TRPM6: variants seen among roughly 807,000 people sequenced by gnomAD.
The protein encoded by TRPM6 is channel kinase 2.
A neutral mutation model predicts 247.6 loss-of-function variants in TRPM6; 111 were observed. The observed-to-expected ratio is 0.45, with a 90% CI of 0.38 to 0.52. TRPM6 has a LOEUF of 0.52. Among genes scored for constraint, TRPM6 ranks in the 20% least tolerant of loss-of-function variants. The pLI is 0.00. For synonymous variants in TRPM6, 892 were observed against 853.8 expected (o/e 1.04, Z -0.78); for missense variants, 2,126 against 2,421.5 (o/e 0.88, Z 2.56).
intron 14 of TRPM6, among the ~76,000 whole-genome samples, chr9:74,807,242 G>T (rs79764883): frequency 0.027 from 4,150 of 152,128 alleles, 183 homozygotes; most frequent in African/African-American, 0.092. Context: ...TGCCTTTCCA[G>T]TCTCCTCCCT....
intron 11 of TRPM6, among the ~76,000 whole-genome samples, chr9:74,814,611 A>G (rs1472700457): frequency 6.6e-6 from 1 of 152,188 alleles, no homozygotes; most frequent in Non-Finnish European, 1.5e-5. Flanking sequence ...CTAAAAAAAG[A>G]AGAAATTAAT....
chr9:74,858,817 G>A lies in TRPM6; in HGVS notation c.34-69C>T, dbSNP rs992534205. 3 of 1,285,530 alleles carry A rather than the reference G, an allele frequency of 2.3e-6. No homozygotes were observed. The Admixed American group carries it at 5.5e-5, about 24-fold the overall frequency. The allele number at this position is 1,285,530 out of a possible 1,614,324, so 79.6% of individuals were successfully genotyped here. Reference sequence around the variant, plus strand: ...AAACAATGTAACCATAGTAGTTCCTGCAGGTAAGAAATACTCAAGTATCAT... The same window carrying A: ...AAACAATGTAACCATAGTAGTTCCTACAGGTAAGAAATACTCAAGTATCAT... On this transcript the variant is annotated intron_variant, in intron 1 of 38. Coordinates refer to ENST00000360774, the MANE Select transcript of TRPM6 (RefSeq NM_017662.5).
In TRPM6 at chr9:74,796,786, A is replaced by G. The variant is rs759772342; in HGVS notation, c.2346T>C (p.Tyr782=). The G allele has an allele frequency of 8.1e-6, 13 of 1,613,958 alleles. No homozygotes were observed. Among genetic ancestry groups the G allele is most frequent in the Non-Finnish European group, 1.0e-5 (12 of 1,179,952 alleles). The change falls in exon 18 of 39, where the codon TAT becomes TAC. Residue 782 remains tyrosine, a synonymous_variant. Coordinates refer to ENST00000360774, the MANE Select transcript of TRPM6 (RefSeq NM_017662.5). ...PQSQDFQFMW[Y]YSDQNASSSK... is the part of the protein sequence containing the mutation. ...AACTGCTGGCGTTCTGGTCACTGTA[A>G]TACCACATAAATTGGAAGTCCTGGG...
At chr9:74,883,567 C>T (rs1446744447) in intron 1 of TRPM6, among the ~76,000 whole-genome samples, 1 of 152,128 alleles carries the variant, frequency 6.6e-6, no homozygotes, top group Non-Finnish European at 1.5e-5. Flanking sequence ...AAATGCTATA[C>T]CTATGATCTT....
intron 3 of TRPM6, among the ~76,000 whole-genome samples, chr9:74,851,796 A>G (rs968936282): frequency 6.8e-6 from 1 of 147,964 alleles, no homozygotes; most frequent in African/African-American, 2.5e-5. Flanking sequence ...TATATAATAT[A>G]TATATTACAG....
intron 7 of TRPM6, among the ~76,000 whole-genome samples, chr9:74,824,770 T>C (rs1396390839): frequency 6.6e-6 from 1 of 152,196 alleles, no homozygotes; most frequent in African/African-American, 2.4e-5. Flanking sequence ...TCAGAGCCTA[T>C]GTTTCCTATC....
At chr9:74,795,164 G>A (rs1425867684) in intron 18 of TRPM6, among the ~76,000 whole-genome samples, 4 of 151,854 alleles carry the variant, frequency 2.6e-5, no homozygotes, top group Non-Finnish European at 5.9e-5. Flanking sequence ...TCCTCTCCAC[G>A]TCCATTGCTA....
At chr9:74,752,166 T>A (rs966646390) in intron 29 of TRPM6, 111 bp downstream of exon 29, 16 of 675,558 alleles carry the variant, frequency 2.4e-5, no homozygotes, top group African/African-American at 2.3e-4. Context: ...TTAAGCAGAC[T>A]GTCAATAAAA....
chr9:74,828,718 T>A (rs1339917938), intron 6 of TRPM6, among the ~76,000 whole-genome samples: 1 of 149,948 alleles, frequency 6.7e-6, no homozygotes, highest in Non-Finnish European at 1.5e-5. Flanking sequence ...AACCTTAGCC[T>A]CCCAAGTTCA....
intron 18 of TRPM6, among the ~76,000 whole-genome samples, chr9:74,793,226 T>C (rs890166681): frequency 2.6e-5 from 4 of 152,206 alleles, no homozygotes; most frequent in East Asian, 1.9e-4. Flanking sequence ...GAAAACTGCA[T>C]GTACTGTATA....
chr9:74,791,503 T>TA (rs899873171), intron 19 of TRPM6, among the ~76,000 whole-genome samples: 13 of 150,988 alleles, frequency 8.6e-5, no homozygotes, highest in African/African-American at 2.2e-4. Flanking sequence ...AAAAAATATT[T>TA]AAAAAAAAAG....
chr9:74,854,961 G>A (rs1355157134), intron 3 of TRPM6, among the ~76,000 whole-genome samples: 1 of 152,210 alleles, frequency 6.6e-6, no homozygotes, highest in Non-Finnish European at 1.5e-5. Context: ...TAACAGGTGT[G>A]AGTGACTGTG....
Position 74,800,470 on chromosome 9 carries a change from C to T in TRPM6, c.2022G>A (p.Gln674=). ...CCTTCTCCAACAAGTCCAGAGCCAG[C>T]TGGCCAAACTGTCTGCCATGAGGGT... ...ELKNYSKQFG[Q]LALDLLEKAF... The change falls in exon 17 of 39, where the codon CAG becomes CAA. Residue 674 remains glutamine (Q), a synonymous_variant. Transcript: ENST00000360774. 1 of 1,613,920 alleles carries T rather than the reference C, an allele frequency of 6.2e-7. No individual in the cohort carries two copies. Among genetic ancestry groups the T allele is most frequent in the Admixed American group, 1.7e-5 (1 of 60,024 alleles).
chr9:74,755,845 C>T (rs1311938680), intron 27 of TRPM6, among the ~76,000 whole-genome samples: 2 of 152,146 alleles, frequency 1.3e-5, no homozygotes, highest in Non-Finnish European at 2.9e-5. Context: ...CCAGGTGATG[C>T]TCATGCTGCC....
intron 17 of TRPM6, chr9:74,800,010 T>C: frequency 1.9e-6 from 1 of 526,920 alleles, no homozygotes; most frequent in Non-Finnish European, 3.5e-6. Context: ...TCCATGTGCA[T>C]CCCTCCCAAA....
chr9:74,839,873 GGAA>G (rs1829859729), intron 5 of TRPM6, 148 bp downstream of exon 5: 4 of 534,854 alleles, frequency 7.5e-6, no homozygotes, highest in Middle Eastern at 4.4e-4. Context: ...AAGGAAGGAA[GGAA>G]GGAAGGAAGG....
At chr9:74,853,864 AAAAATAAAAT>A (rs573585286) in intron 3 of TRPM6, among the ~76,000 whole-genome samples, 2 of 152,158 alleles carry the variant, frequency 1.3e-5, no homozygotes, top group Non-Finnish European at 2.9e-5. Context: ...TAAATACTAA[AAAAATAAAAT>A]AAAATAAAAT....
chr9:74,783,454 G>A (rs751700053), intron 21 of TRPM6, among the ~76,000 whole-genome samples: 23 of 152,176 alleles, frequency 1.5e-4, no homozygotes, highest in Non-Finnish European at 2.8e-4. Context: ...GTGGGCTGTG[G>A]TTTGATGGTG....
chr9:74,839,811 A>G (rs991404138), intron 5 of TRPM6, among the ~76,000 whole-genome samples: 1 of 149,534 alleles, frequency 6.7e-6, no homozygotes, highest in Non-Finnish European at 1.5e-5. Context: ...GTGGCACACT[A>G]CCTGATTCAC....
Sources: gnomAD v4.1 joint callset for allele counts (sites outside exome capture counted in the v4.1 genomes callset) on GRCh38, gnomAD v4.1.1 for gene constraint, MANE v1.5 for transcripts, NCBI Gene and HGNC (gene_info 2026-07-23, HGNC 2026-07-21) for gene names.